The following DAB1 variants were observed in gnomAD, a reference collection of about 807,000 sequenced individuals.
The protein encoded by DAB1 is DAB adaptor protein 1, also known as disabled homolog 1.
Under a neutral mutation model 64.6 loss-of-function variants are expected in DAB1, and 15 were observed. The observed-to-expected ratio is 0.23, with a 90% CI of 0.16 to 0.36. The LOEUF (loss-of-function observed/expected upper bound fraction) is 0.36. DAB1 is among the 10% of genes least tolerant of loss of function. DAB1 has a pLI of 1.00. For synonymous variants in DAB1, 235 were observed against 251.9 expected (o/e 0.93, Z 0.64); for missense variants, 596 against 706.7 (o/e 0.84, Z 1.78).
intron 4 of DAB1, among the ~76,000 whole-genome samples, chr1:57,132,228 T>C (rs1359392056): frequency 6.6e-6 from 1 of 152,098 alleles, no homozygotes; most frequent in Non-Finnish European, 1.5e-5. Context: ...CCAGTAATAC[T>C]TACTACATAA....
intron 1 of DAB1, among the ~76,000 whole-genome samples, chr1:57,362,886 G>A (rs946747876): frequency 5.3e-5 from 8 of 152,012 alleles, no homozygotes; most frequent in Admixed American, 5.2e-4. Flanking sequence ...TAGCACTTCC[G>A]TCACTATCTT....
chr1:57,264,395 G>C (rs1414747945), intron 2 of DAB1, among the ~76,000 whole-genome samples: 1 of 152,172 alleles, frequency 6.6e-6, no homozygotes, highest in African/African-American at 2.4e-5. Context: ...ATTGAATAAG[G>C]TGAATAAATG....
chr1:57,794,500 C>T (rs145868552), intron 6 of DAB1, among the ~76,000 whole-genome samples: 130 of 152,278 alleles, frequency 8.5e-4, no homozygotes, highest in Non-Finnish European at 1.4e-3. Flanking sequence ...GACAAAAATA[C>T]AGCTTATCCT....
intron 4 of DAB1, among the ~76,000 whole-genome samples, chr1:57,131,941 A>T (rs1171313008): frequency 6.6e-6 from 1 of 152,138 alleles, no homozygotes; most frequent in African/African-American, 2.4e-5. Context: ...GAACAAAAAG[A>T]TGGGGCCTTA....
intron 2 of DAB1, among the ~76,000 whole-genome samples, chr1:57,169,381 G>C (rs1190656538): frequency 6.6e-6 from 1 of 152,178 alleles, no homozygotes; most frequent in East Asian, 1.9e-4. Context: ...ATCCCATAAT[G>C]TAGTCACTGT....
intron 7 of DAB1, among the ~76,000 whole-genome samples, chr1:57,540,759 T>C (rs1644792088): frequency 6.6e-6 from 1 of 152,144 alleles, no homozygotes; most frequent in Admixed American, 6.5e-5. Flanking sequence ...CAGAAGATCA[T>C]AAGCTGATCT....
intron 7 of DAB1, among the ~76,000 whole-genome samples, chr1:57,614,477 A>G (rs1020549342): frequency 4.6e-5 from 7 of 152,230 alleles, no homozygotes; most frequent in Non-Finnish European, 1.0e-4. Flanking sequence ...TCCATGATGA[A>G]GCTTTCACTG....
At chr1:57,239,772 A>G (rs1668369494) in intron 2 of DAB1, among the ~76,000 whole-genome samples, 5 of 152,186 alleles carry the variant, frequency 3.3e-5, no homozygotes, top group Admixed American at 3.3e-4. Context: ...AAATCAAAAC[A>G]TTGCACTTCC....
intron 6 of DAB1, among the ~76,000 whole-genome samples, chr1:57,742,756 T>C (rs1443795788): frequency 2.0e-5 from 3 of 151,980 alleles, no homozygotes; most frequent in African/African-American, 7.3e-5. Flanking sequence ...AGGGCAGGAA[T>C]GATGAGGAAT....
chr1:57,990,373 C>T (rs1388160246), intron 5 of DAB1, among the ~76,000 whole-genome samples: 1 of 152,236 alleles, frequency 6.6e-6, no homozygotes, highest in Non-Finnish European at 1.5e-5. Context: ...ATGCTCTTCA[C>T]CAACAAAGCC....
At chr1:57,534,982 C>T (rs1558469929) in intron 7 of DAB1, among the ~76,000 whole-genome samples, 1 of 152,124 alleles carries the variant, frequency 6.6e-6, no homozygotes, top group Non-Finnish European at 1.5e-5. Flanking sequence ...GTATTTGCAT[C>T]AACTGTGTTC....
intron 6 of DAB1, among the ~76,000 whole-genome samples, chr1:57,656,144 G>A (rs568101362): frequency 4.8e-4 from 73 of 152,216 alleles, no homozygotes; most frequent in African/African-American, 1.5e-3. Context: ...GTTGGCTGTC[G>A]GAAACCCAGA....
intron 1 of DAB1, among the ~76,000 whole-genome samples, chr1:57,303,840 C>A (rs1673888337): frequency 6.6e-6 from 1 of 152,058 alleles, no homozygotes; most frequent in East Asian, 1.9e-4. Flanking sequence ...AAGTCATACC[C>A]AGTGTTCACG....
At chr1:58,224,112 C>G (rs982410341) in intron 4 of DAB1, among the ~76,000 whole-genome samples, 5 of 152,174 alleles carry the variant, frequency 3.3e-5, no homozygotes, top group Admixed American at 3.3e-4. Context: ...TATGAGGCAA[C>G]AAGCCTAGAA....
At chr1:57,489,042 T>C (rs1336051433) in intron 7 of DAB1, among the ~76,000 whole-genome samples, 3 of 152,234 alleles carry the variant, frequency 2.0e-5, no homozygotes, top group African/African-American at 7.2e-5. Context: ...GCTCTCCCAT[T>C]ATTTGGAATC....
At chr1:57,495,468 G>A (rs1021824783) in intron 7 of DAB1, among the ~76,000 whole-genome samples, 1 of 152,042 alleles carries the variant, frequency 6.6e-6, no homozygotes, top group Non-Finnish European at 1.5e-5. Context: ...TCCTTTAACC[G>A]TCAATCAAAC....
intron 6 of DAB1, among the ~76,000 whole-genome samples, chr1:57,690,905 G>A (rs1233240047): frequency 6.6e-6 from 1 of 152,138 alleles, no homozygotes; most frequent in African/African-American, 2.4e-5. Context: ...ATTATGTTGA[G>A]CACTTTTTAT....
chr1:57,586,905 T>C (rs1342173207), intron 7 of DAB1, among the ~76,000 whole-genome samples: 1 of 152,190 alleles, frequency 6.6e-6, no homozygotes, highest in Non-Finnish European at 1.5e-5. Flanking sequence ...CTTTTTCAAC[T>C]TTGCTATCAA....
Position 57,186,168 on chromosome 1 carries a change from C to T in DAB1, c.68-40739G>A, listed in dbSNP as rs147715569. Among the ~76,000 whole-genome samples the T allele has an allele frequency of 3.4e-3, 511 of 152,300 alleles. 5 individuals carry two copies. The highest frequency in any genetic ancestry group is 0.012 in the African/African-American group (497 of 41,552). On this transcript the variant is annotated intron_variant, in intron 2 of 14. Transcript: ENST00000371236. ...GGGTATAACCAAGTGGTTAGAATTA[C>T]TAACTAAATCAAACCTCTTTACTGA...
Sources: gnomAD v4.1 joint callset for allele counts (sites outside exome capture counted in the v4.1 genomes callset) on GRCh38, gnomAD v4.1.1 for gene constraint, MANE v1.5 for transcripts, NCBI Gene and HGNC (gene_info 2026-07-23, HGNC 2026-07-21) for gene names.